The following PDE4C variants were observed in gnomAD, a reference collection of about 807,000 sequenced individuals.
PDE4C encodes the protein 3',5'-cyclic-AMP phosphodiesterase 4C.
Under a neutral mutation model 63.9 loss-of-function variants are expected in PDE4C, and 50 were observed. The observed-to-expected ratio is 0.78, with a 90% CI of 0.62 to 0.99. The LOEUF (loss-of-function observed/expected upper bound fraction) is 0.99. PDE4C is among the 50% of genes least tolerant of loss of function. PDE4C has a pLI of 0.00. For missense variants in PDE4C, 777 were observed against 899.1 expected (o/e 0.86, Z 1.74); for synonymous variants, 377 against 385.1 (o/e 0.98, Z 0.25).
chr19:18,216,775 T>C (rs1187195939), exon 12 of PDE4C: 1 of 1,613,078 alleles, frequency 6.2e-7, no homozygotes, highest in Non-Finnish European at 8.5e-7. Context: ...ACTCAGTCGC[T>C]GCTTGGCGCT....
exon 14 of PDE4C, chr19:18,211,863 G>A (rs753597067): frequency 4.3e-6 from 7 of 1,614,218 alleles, no homozygotes; most frequent in Non-Finnish European, 5.9e-6. Context: ...GCCATGATGC[G>A]GTCCGTCCAC....
chr19:18,213,292 AATAAATAC>A lies in PDE4C; in HGVS notation c.1512+68_1512+75del, dbSNP rs1445338320. 1.8e-5 allele frequency: 24 copies of A among 1,316,926 alleles called. No homozygotes were observed. In the Admixed American group the frequency reaches 4.9e-4, roughly 27 times the overall value. The allele number at this position is 1,316,926 out of a possible 1,614,324, so 81.6% of individuals were successfully genotyped here. On this transcript the variant is annotated intron_variant, in intron 13 of 14. Transcript: ENST00000262805. ...GAGTGAGACTCCGTCTCAATAAATA[AATAAATAC>A]ATAAATAAATAAATAAAGTAAAACC...
At chr19:18,227,130 A>T (rs1369141400), upstream of PDE4C, among the ~76,000 whole-genome samples, 1 of 152,130 alleles carries the variant, frequency 6.6e-6, no homozygotes, top group Non-Finnish European at 1.5e-5. Flanking sequence ...ATCCCACGCA[A>T]TGTTTCTAAT....
In PDE4C at chr19:18,220,252, G is replaced by A; in HGVS notation, c.680C>T (p.Ser227Phe). The A allele has an allele frequency of 1.2e-6, 2 of 1,614,064 alleles. No individual in the cohort carries two copies. Among genetic ancestry groups the A allele is most frequent in the Middle Eastern group, 3.3e-4 (2 of 5,998 alleles). The change falls in exon 7 of 15, where the codon TCC becomes TTC. Residue 227 changes from serine to phenylalanine, a missense_variant. Physicochemically the swap from Ser to Phe is radical, Grantham distance 155. Transcript: ENST00000262805. The surrounding 1 kb of genome is among the most constrained non-coding windows in gnomAD (Gnocchi z 5.1). ...CAGGAAGGTCCGGGAGATGTACTCGGACACCTGGTTCCCGGAGCGGCTGGT... is the reference window on the plus strand; with the variant it reads ...CAGGAAGGTCCGGGAGATGTACTCGAACACCTGGTTCCCGGAGCGGCTGGT...
chr19:18,233,023 G>T, exon 1 of PDE4C: 1 of 1,540,938 alleles, frequency 6.5e-7, no homozygotes, highest in Non-Finnish European at 8.8e-7. Context: ...TCCCTCTCGC[G>T]GCAGCCCGCG....
chr19:18,213,302 T>C (rs896773296), intron 13 of PDE4C, 66 bp downstream of exon 13: 2 of 1,356,914 alleles, frequency 1.5e-6, no homozygotes, highest in Admixed American at 2.6e-5. Context: ...AATAAATACA[T>C]AAATAAATAA....
intron 1 of PDE4C, among the ~76,000 whole-genome samples, chr19:18,247,585 C>T (rs765310856): frequency 2.0e-5 from 3 of 152,188 alleles, no homozygotes; most frequent in Non-Finnish European, 4.4e-5. Context: ...CGTGAGCCAC[C>T]GCGCCTGGCC....
intron 1 of PDE4C, among the ~76,000 whole-genome samples, chr19:18,246,550 GCTACGCCTGCC>G (rs1411249710): frequency 6.6e-6 from 1 of 152,046 alleles, no homozygotes; most frequent in Admixed American, 6.6e-5. Context: ...GGCATATGCA[GCTACGCCTGCC>G]CTAGGAGACC....
chr19:18,249,577 AT>A (rs71164388), upstream of PDE4C, among the ~76,000 whole-genome samples: 139 of 139,732 alleles, frequency 9.9e-4, no homozygotes, highest in Middle Eastern at 3.8e-3. Flanking sequence ...GCCTGGCCCT[AT>A]TTTTTTTTTT....
At chr19:18,251,356 C>A (rs1457568773), upstream of PDE4C, among the ~76,000 whole-genome samples, 1 of 146,370 alleles carries the variant, frequency 6.8e-6, no homozygotes. Context: ...GAACTCCTGA[C>A]CTCAGGTGAT....
At chr19:18,253,990 G>A in the PDE4C span, among the ~76,000 whole-genome samples, 19 of 152,146 alleles carry the variant, frequency 1.2e-4, no homozygotes, top group South Asian at 4.1e-4. Context: ...GCAGAAATGC[G>A]GAAATAACAC....
At chr19:18,211,824 G>A (rs777042876) in exon 14 of PDE4C, 8 of 1,614,118 alleles carry the variant, frequency 5.0e-6, no homozygotes, top group Middle Eastern at 1.6e-4. Flanking sequence ...CCCGACTCAC[G>A]CTCGCGGTCT....
chr19:18,230,864 A>G (rs1968833292), upstream of PDE4C, among the ~76,000 whole-genome samples: 2 of 152,060 alleles, frequency 1.3e-5, no homozygotes, highest in African/African-American at 4.8e-5. Flanking sequence ...CTTCTTATCC[A>G]TGGTTGCGTC....
chr19:18,218,825 C>T (rs1968329711), intron 9 of PDE4C, 115 bp downstream of exon 9: 2 of 829,754 alleles, frequency 2.4e-6, no homozygotes, highest in Admixed American at 1.8e-5. Context: ...TCAAATTATC[C>T]CCTTCAGAAA....
At position 18,218,315 on chromosome 19, in the gene PDE4C, T is replaced by G; in HGVS notation, c.1134+19A>C. On this transcript the variant is annotated intron_variant, in intron 10 of 14. Coordinates refer to ENST00000262805, the Ensembl canonical transcript of PDE4C. ...TGGGCCCTGCACCCGCCCACCTGCC[T>G]GCAGTCATGGCGCAGTACCTCGAGG... 1.2e-6 allele frequency: 2 copies of G among 1,613,780 alleles called. No homozygotes were observed. Among genetic ancestry groups the G allele is most frequent in the Non-Finnish European group, 1.7e-6 (2 of 1,179,692 alleles).
At chr19:18,248,365 CAG>C (rs1969169560), upstream of PDE4C, among the ~76,000 whole-genome samples, 1 of 140,510 alleles carries the variant, frequency 7.1e-6, no homozygotes, top group Non-Finnish European at 1.5e-5. Flanking sequence ...GGGTGGAGGG[CAG>C]AGTGTCCAAG....
intron 1 of PDE4C, chr19:18,248,158 G>T: frequency 2.2e-6 from 1 of 456,310 alleles, no homozygotes; most frequent in Non-Finnish European, 4.4e-6. Context: ...GCCCAGGCAT[G>T]TCTGGCACTT....
In PDE4C at chr19:18,220,600, C is replaced by G; in HGVS notation, c.500-85G>C. On this transcript the variant is annotated intron_variant, in intron 5 of 14. Transcript: ENST00000262805. This position sits in a 1 kb window ranked among gnomAD's most constrained non-coding sequence, Gnocchi z 5.1. Reference sequence around the variant, plus strand: ...TCGCGACTTCGTCTCTTCATCTGGACCCTGAAACTGTTCCCACGGGGGCCA... The same window carrying G: ...TCGCGACTTCGTCTCTTCATCTGGAGCCTGAAACTGTTCCCACGGGGGCCA... The G allele has an allele frequency of 8.2e-7, 1 of 1,223,688 alleles. No individual in the cohort carries two copies. The highest frequency in any genetic ancestry group is 1.2e-6 in the Non-Finnish European group (1 of 862,348). 75.8% of individuals were successfully genotyped at this position (1,223,688 alleles called of 1,614,324 possible). A position where few individuals can be genotyped will look rare whatever the true frequency, so the allele number is the denominator to read the frequency against.
At chr19:18,228,758 C>T (rs1180245501), upstream of PDE4C, among the ~76,000 whole-genome samples, 2 of 152,164 alleles carry the variant, frequency 1.3e-5, no homozygotes, top group African/African-American at 4.8e-5. Context: ...CATTCACAGC[C>T]TGGCTCCTAC....
Sources: allele counts gnomAD v4.1 joint callset (sites outside exome capture counted in the v4.1 genomes callset), GRCh38; gene constraint gnomAD v4.1.1; non-coding constraint Gnocchi (gnomAD v3.1); transcripts MANE v1.5; gene names NCBI Gene and HGNC (gene_info 2026-07-23, HGNC 2026-07-21).